Variants in NCKAP1 observed in about 807,000 individuals in gnomAD.
NCKAP1 encodes NCK associated protein 1.
A neutral mutation model predicts 151.2 loss-of-function variants in NCKAP1; 21 were observed. That is an observed-to-expected ratio of 0.14 (90% CI 0.10 to 0.20). The LOEUF (loss-of-function observed/expected upper bound fraction) is 0.20, where lower values mean the gene tolerates loss of function less well. NCKAP1 is among the 10% of genes least tolerant of loss of function. The pLI is 1.00. For missense variants in NCKAP1, 933 were observed against 1,352.1 expected, an observed-to-expected ratio of 0.69 and a Z score of 4.86; for synonymous variants, 484 against 451.8, an observed-to-expected ratio of 1.07 and a Z score of -0.90.
At chr2:182,960,427 G>C (rs550741450) in intron 18 of NCKAP1, among the ~76,000 whole-genome samples, 12 of 152,138 alleles carry the variant, frequency 7.9e-5, no homozygotes, top group Non-Finnish European at 1.5e-4. Context: ...AAATAATGCC[G>C]CATATCTACA....
chr2:182,937,613 A>G (rs1696904760), intron 24 of NCKAP1, among the ~76,000 whole-genome samples: 1 of 152,216 alleles, frequency 6.6e-6, no homozygotes, highest in Non-Finnish European at 1.5e-5. Context: ...AGTTATACGA[A>G]AAGAATTCTA....
At chr2:183,025,156 C>G (rs1352099248) in intron 1 of NCKAP1, among the ~76,000 whole-genome samples, 1 of 151,976 alleles carries the variant, frequency 6.6e-6, no homozygotes, top group African/African-American at 2.4e-5. Context: ...TTCTAAGTAG[C>G]GAGTTTTAGT....
At chr2:182,933,563 T>C (rs901381458) in intron 26 of NCKAP1, among the ~76,000 whole-genome samples, 1 of 151,906 alleles carries the variant, frequency 6.6e-6, no homozygotes, top group African/African-American at 2.4e-5. Context: ...CTGGCTAATT[T>C]TGTATTTTTA....
chr2:182,943,894 C>T (rs554037885), intron 23 of NCKAP1, among the ~76,000 whole-genome samples: 3 of 152,242 alleles, frequency 2.0e-5, no homozygotes, highest in Admixed American at 2.0e-4. Flanking sequence ...AATTTGAATT[C>T]GGGTATGTCT....
intron 9 of NCKAP1, among the ~76,000 whole-genome samples, chr2:182,987,530 C>G (rs1039896198): frequency 2.0e-5 from 3 of 152,080 alleles, no homozygotes; most frequent in African/African-American, 7.2e-5. Context: ...TAAAGCATAA[C>G]AAAGACAACT....
At chr2:182,975,208 A>G (rs535255001) in intron 15 of NCKAP1, among the ~76,000 whole-genome samples, 1 of 152,328 alleles carries the variant, frequency 6.6e-6, no homozygotes, top group Non-Finnish European at 1.5e-5. Flanking sequence ...TTTAAAAACA[A>G]AGAGGTGTCA....
intron 8 of NCKAP1, 134 bp from the exon 9 acceptor site, chr2:182,989,320 A>G (rs1698120681): frequency 1.6e-6 from 1 of 617,486 alleles, no homozygotes; most frequent in African/African-American, 1.8e-5. Context: ...CAGTAACAAT[A>G]CATATGTATA....
intron 13 of NCKAP1, among the ~76,000 whole-genome samples, 167 bp downstream of exon 13, chr2:182,981,077 A>T (rs1335376373): frequency 1.3e-5 from 2 of 152,198 alleles, no homozygotes; most frequent in African/African-American, 4.8e-5. Flanking sequence ...ATCACATTGG[A>T]CTACAACTAA....
Position 183,003,295 on chromosome 2 carries a change from A to C in NCKAP1, c.250T>G (p.Ser84Ala). Residue 84 changes from serine (S) to alanine (A), a missense_variant, in exon 3 of 31, where the codon TCA (serine) becomes GCA (alanine). Physicochemically the swap from Ser to Ala is moderately conservative, Grantham distance 99. This residue lies in a region of NCKAP1 where 607 missense variants were observed against 795.0 expected (regional missense o/e 0.76). Transcript: ENST00000361354. ...QQLAQLQKEK[S>A]EILKNLALYY... is the part of the protein sequence containing the mutation. Reference sequence around the variant, plus strand: ...AATGCCAGATTTTTCAGAATCTCTGATTTTTCTTTCTGTAGTTGTGCAAGC... The same window carrying C: ...AATGCCAGATTTTTCAGAATCTCTGCTTTTTCTTTCTGTAGTTGTGCAAGC... 6.2e-7 allele frequency: 1 copy of C among 1,600,458 alleles called. No homozygotes were observed. The highest frequency in any genetic ancestry group is 1.3e-5 in the African/African-American group (1 of 74,600).
intron 30 of NCKAP1, 68 bp downstream of exon 30, chr2:182,926,748 G>T: frequency 9.3e-7 from 1 of 1,078,722 alleles, no homozygotes; most frequent in Non-Finnish European, 1.4e-6. Flanking sequence ...TGACTAAGAT[G>T]CCAAGAAAAG....
intron 20 of NCKAP1, among the ~76,000 whole-genome samples, chr2:182,956,248 G>A (rs191215694): frequency 0.014 from 2,206 of 152,178 alleles, 56 homozygotes; most frequent in African/African-American, 0.051. Context: ...CACTGTGTTA[G>A]CCAGGATGGT....
intron 2 of NCKAP1, among the ~76,000 whole-genome samples, chr2:183,022,430 T>G (rs771476156): frequency 1.3e-5 from 2 of 152,220 alleles, no homozygotes; most frequent in Non-Finnish European, 2.9e-5. Flanking sequence ...AGTGCAAGTT[T>G]TGAATCACCT....
At chr2:182,989,424 A>G (rs1332401719) in intron 8 of NCKAP1, among the ~76,000 whole-genome samples, 2 of 152,208 alleles carry the variant, frequency 1.3e-5, no homozygotes, top group African/African-American at 4.8e-5. Flanking sequence ...GAAAAATGTC[A>G]CTTCTGGGTT....
rs187010673 is a variant in NCKAP1, at chr2:182,960,301, C to T, written c.1881+1858G>A. On this transcript the variant is annotated intron_variant, in intron 18 of 30. Coordinates refer to ENST00000361354, the MANE Select transcript of NCKAP1 (RefSeq NM_013436.5). ...CAATCCTAAGCCAAAAGAACAAAGC[C>T]GGAGGCATCACGCTACCTGACTTCA... Among the ~76,000 whole-genome samples, 720 of 152,132 alleles carry T rather than the reference C, an allele frequency of 4.7e-3. 3 individuals are homozygous for T. Among genetic ancestry groups the T allele is most frequent in the Non-Finnish European group, 7.3e-3 (495 of 67,986 alleles).
intron 2 of NCKAP1, among the ~76,000 whole-genome samples, chr2:183,007,009 C>A (rs1698484644): frequency 6.6e-6 from 1 of 152,074 alleles, no homozygotes; most frequent in Non-Finnish European, 1.5e-5. Flanking sequence ...GTAGCTGGGA[C>A]TACAGGCAGG....
intron 24 of NCKAP1, among the ~76,000 whole-genome samples, chr2:182,935,801 G>C (rs943118761): frequency 2.6e-5 from 4 of 152,090 alleles, no homozygotes; most frequent in Non-Finnish European, 4.4e-5. Flanking sequence ...AAGCGGCCCA[G>C]GAACTCAGCA....
chr2:183,029,165 C>G (rs1045474463), intron 1 of NCKAP1, among the ~76,000 whole-genome samples: 10 of 151,998 alleles, frequency 6.6e-5, no homozygotes, highest in African/African-American at 2.4e-4. Context: ...TTCAATATCT[C>G]TAAGTTCCTT....
intron 24 of NCKAP1, among the ~76,000 whole-genome samples, chr2:182,939,029 A>T (rs4610009): frequency 1.3e-5 from 2 of 152,224 alleles, no homozygotes; most frequent in Admixed American, 1.3e-4. Context: ...GAGGCAACTT[A>T]TAGGTTTGTA....
At chr2:182,976,861 A>G in intron 15 of NCKAP1, 32 bp downstream of exon 15, 2 of 1,383,628 alleles carry the variant, frequency 1.4e-6, no homozygotes, top group Non-Finnish European at 9.7e-7. Context: ...CTAAAATAAC[A>G]AAACAGAATG....
Sources: gnomAD v4.1 joint callset for allele counts (sites outside exome capture counted in the v4.1 genomes callset) on GRCh38, gnomAD v4.1.1 for gene constraint, gnomAD v4.1.1 regional missense constraint, MANE v1.5 for transcripts, NCBI Gene and HGNC (gene_info 2026-07-23, HGNC 2026-07-21) for gene names.